The following MLLT1 variants were observed in gnomAD, a reference collection of about 807,000 sequenced individuals.
MLLT1 encodes protein ENL.
In MLLT1, 11 loss-of-function variants were observed where a neutral mutation model predicts 55.1. That is an observed-to-expected ratio of 0.20 (90% CI 0.13 to 0.33). The LOEUF is 0.33. Ranked by LOEUF, MLLT1 falls within the 10% of genes least tolerant of loss-of-function variation. The pLI is 1.00. For synonymous variants in MLLT1, 323 were observed against 320.1 expected, an observed-to-expected ratio of 1.01 and a Z score of -0.10; for missense variants, 536 against 760.6, an observed-to-expected ratio of 0.70 and a Z score of 3.47.
At chr19:6,259,805 A>AAAAAAAAAAC (rs1568293961) in intron 3 of MLLT1, 1 of 151,164 alleles carries the variant, frequency 6.6e-6, no homozygotes, top group African/African-American at 2.4e-5. Context: ...GACTTAAAAA[A>AAAAAAAAAAC]AAAAAAAAAA....
intron 3 of MLLT1, among the ~76,000 whole-genome samples, chr19:6,255,265 G>A (rs2091248696): frequency 6.6e-6 from 1 of 152,230 alleles, no homozygotes; most frequent in Admixed American, 6.5e-5. Flanking sequence ...GGCCGAGGTG[G>A]GCGGATCACT....
Position 6,262,106 on chromosome 19 carries a change from T to G in MLLT1, c.276+122A>C. On this transcript the variant is annotated intron_variant, in intron 3 of 11. Coordinates refer to ENST00000252674, the MANE Select transcript of MLLT1 (RefSeq NM_005934.4). The surrounding 1 kb of genome is among the most constrained non-coding windows in gnomAD (Gnocchi z 4.4). ...TGGTGACCAGCACCCCCCGCAGCAC[T>G]CACTGGAATGTCTGTGCATGGGCAG... The G allele has an allele frequency of 1.3e-6, 1 of 752,642 alleles. No homozygotes were observed. The highest frequency in any genetic ancestry group is 1.5e-5 in the South Asian group (1 of 66,462). The allele number at this position is 752,642 out of a possible 1,614,324, so 46.6% of individuals were successfully genotyped here.
At chr19:6,242,153 C>T (rs887846968) in intron 3 of MLLT1, among the ~76,000 whole-genome samples, 5 of 152,242 alleles carry the variant, frequency 3.3e-5, no homozygotes, top group African/African-American at 1.2e-4. Flanking sequence ...CAGTCTCAAA[C>T]TGAGCGCACG....
chr19:6,251,836 C>A (rs1254754113), intron 3 of MLLT1, among the ~76,000 whole-genome samples: 3 of 152,066 alleles, frequency 2.0e-5, no homozygotes, highest in African/African-American at 4.8e-5. Context: ...CACCTGTGGT[C>A]CCAGCCACTC....
chr19:6,214,103 G>A, intron 8 of MLLT1, 65 bp from the exon 9 acceptor site: 1 of 1,078,298 alleles, frequency 9.3e-7, no homozygotes, highest in South Asian at 2.2e-5. Flanking sequence ...CCACCCCCAG[G>A]CTCAAGCCTC....
At chr19:6,239,069 C>A (rs1178610243) in intron 3 of MLLT1, among the ~76,000 whole-genome samples, 1 of 152,232 alleles carries the variant, frequency 6.6e-6, no homozygotes, top group Non-Finnish European at 1.5e-5. Flanking sequence ...CCTCACAGAA[C>A]CAGTAAGTGC....
At chr19:6,253,551 T>C (rs563100712) in intron 3 of MLLT1, among the ~76,000 whole-genome samples, 1 of 152,256 alleles carries the variant, frequency 6.6e-6, no homozygotes, top group Admixed American at 6.5e-5. Context: ...ATGTTCCTTA[T>C]GAATACAGAC....
chr19:6,249,110 C>T (rs2091193859), intron 3 of MLLT1, among the ~76,000 whole-genome samples: 1 of 151,960 alleles, frequency 6.6e-6, no homozygotes, highest in Admixed American at 6.6e-5. Flanking sequence ...TTGAGACGTG[C>T]AGCAAGTATA....
At chr19:6,278,048 C>T (rs2091436088) in intron 1 of MLLT1, among the ~76,000 whole-genome samples, 1 of 152,176 alleles carries the variant, frequency 6.6e-6, no homozygotes, top group Admixed American at 6.5e-5. Flanking sequence ...GTGCCACAGG[C>T]GCCGAGATGG....
At chr19:6,237,949 T>A (rs901666208) in intron 3 of MLLT1, among the ~76,000 whole-genome samples, 93 of 151,862 alleles carry the variant, frequency 6.1e-4, no homozygotes, top group African/African-American at 2.2e-3. Flanking sequence ...CAAAAAAAAT[T>A]TTTTTTAATT....
chr19:6,269,747 C>A (rs2144958480), intron 2 of MLLT1, among the ~76,000 whole-genome samples: 1 of 152,330 alleles, frequency 6.6e-6, no homozygotes, highest in South Asian at 2.1e-4. Flanking sequence ...GTAGAGGGGT[C>A]ACCAGCCCAG....
chr19:6,260,769 C>G (rs191713058), intron 3 of MLLT1, among the ~76,000 whole-genome samples: 41 of 152,362 alleles, frequency 2.7e-4, no homozygotes, highest in African/African-American at 9.6e-4. Context: ...TCGCTTGAGC[C>G]TGGTAGGTTG....
intron 3 of MLLT1, among the ~76,000 whole-genome samples, chr19:6,260,378 G>A (rs1242263717): frequency 6.6e-6 from 1 of 152,192 alleles, no homozygotes; most frequent in Admixed American, 6.5e-5. Flanking sequence ...GGGCACCTGA[G>A]TGGCAGCCAC....
chr19:6,217,099 T>C (rs2090852195), intron 7 of MLLT1: 2 of 152,882 alleles, frequency 1.3e-5, no homozygotes, highest in East Asian at 3.8e-4. Flanking sequence ...TCAATTACCT[T>C]AGTCACATGA....
At position 6,273,147 on chromosome 19, in the gene MLLT1, T is replaced by A. The variant is rs576948637; in HGVS notation, c.13-2388A>T. Among the ~76,000 whole-genome samples, 2 of 151,716 alleles carry A rather than the reference T, an allele frequency of 1.3e-5. No individual in the cohort carries two copies. Among genetic ancestry groups the A allele is most frequent in the Non-Finnish European group, 2.9e-5 (2 of 67,884 alleles). On this transcript the variant is annotated intron_variant, in intron 1 of 11. Coordinates refer to ENST00000252674, the MANE Select transcript of MLLT1 (RefSeq NM_005934.4). This position sits in a 1 kb window ranked among gnomAD's most constrained non-coding sequence, Gnocchi z 4.3. ...CGTCGTCATAAGTGGCTGACAGATA[T>A]GGGAAACGGTCTCGGAGTCAAAAGC...
intron 5 of MLLT1, among the ~76,000 whole-genome samples, chr19:6,223,270 G>GC (rs966028994): frequency 6.6e-6 from 1 of 152,198 alleles, no homozygotes; most frequent in African/African-American, 2.4e-5. Context: ...CAACTGCTGA[G>GC]CGCCCACTGG....
intron 3 of MLLT1, among the ~76,000 whole-genome samples, chr19:6,239,292 G>A (rs1030515372): frequency 2.0e-5 from 3 of 152,214 alleles, no homozygotes; most frequent in African/African-American, 4.8e-5. Context: ...GAAATCCCAC[G>A]TCCAGGATGC....
At position 6,273,500 on chromosome 19, in the gene MLLT1, C is replaced by CACCG. The variant is rs1301568429; in HGVS notation, c.13-2745_13-2742dup. On this transcript the variant is annotated intron_variant, in intron 1 of 11. Transcript: ENST00000252674. This position sits in a 1 kb window ranked among gnomAD's most constrained non-coding sequence, Gnocchi z 4.3. ...CCAAACACACGAGGTGAGGGCTGAG[C>CACCG]ACCGGCATGGCAATACTCAGGCCAA... Among the ~76,000 whole-genome samples the CACCG allele has an allele frequency of 6.6e-6, 1 of 152,172 alleles. No homozygotes were observed. The highest frequency in any genetic ancestry group is 2.4e-5 in the African/African-American group (1 of 41,428).
rs967925546 is a variant in MLLT1 at position 6,240,237 on chromosome 19, C to A, written c.277-9524G>T. Reference sequence around the variant, plus strand: ...CCCAGAGGCCCCGCCCCCTCCCACACATGTGCTCAGGGCCTGCAGCCCCAT... The same window carrying A: ...CCCAGAGGCCCCGCCCCCTCCCACAAATGTGCTCAGGGCCTGCAGCCCCAT... On this transcript the variant is annotated intron_variant, in intron 3 of 11. Coordinates refer to ENST00000252674, the MANE Select transcript of MLLT1 (RefSeq NM_005934.4). The surrounding 1 kb of genome is among the most constrained non-coding windows in gnomAD (Gnocchi z 4.7). 5.3e-5 allele frequency among the ~76,000 whole-genome samples: 8 copies of A among 152,250 alleles called. No homozygotes were observed. Among genetic ancestry groups the A allele is most frequent in the African/African-American group, 1.9e-4 (8 of 41,468 alleles).
Sources: allele counts gnomAD v4.1 joint callset (sites outside exome capture counted in the v4.1 genomes callset), GRCh38; gene constraint gnomAD v4.1.1; non-coding constraint Gnocchi (gnomAD v3.1); transcripts MANE v1.5; gene names NCBI Gene and HGNC (gene_info 2026-07-23, HGNC 2026-07-21).